Variants in SLC10A7 observed in about 807,000 individuals in gnomAD.
SLC10A7 encodes solute carrier family 10 member 7, also known as sodium/bile acid cotransporter 7.
In SLC10A7, 29 loss-of-function variants were observed where a neutral mutation model predicts 43.2. The ratio of observed to expected loss-of-function variants is 0.67; its 90% CI spans 0.50 to 0.92. SLC10A7 has a LOEUF of 0.92. Ranked by LOEUF, SLC10A7 falls within the 40% of genes least tolerant of loss-of-function variation. The probability of loss-of-function intolerance (pLI) is 0.00; values close to 1 mark genes in which losing one functional copy is unlikely to be tolerated. For missense variants in SLC10A7, 295 were observed against 403.2 expected (o/e 0.73, Z 2.30); for synonymous variants, 152 against 144.8 (o/e 1.05, Z -0.35).
At chr4:146,516,865 AAT>A (rs1366050151) in intron 2 of SLC10A7, among the ~76,000 whole-genome samples, 171 bp downstream of exon 2, 3 of 152,192 alleles carry the variant, frequency 2.0e-5, no homozygotes, top group Non-Finnish European at 4.4e-5. Context: ...CAGCTTTTAT[AAT>A]ACACATATGT....
chr4:146,386,990 T>C (rs983333500), intron 5 of SLC10A7, among the ~76,000 whole-genome samples: 2 of 152,226 alleles, frequency 1.3e-5, no homozygotes, highest in African/African-American at 4.8e-5. Context: ...AATAAATGTA[T>C]GTTTGTGAGA....
intron 3 of SLC10A7, among the ~76,000 whole-genome samples, chr4:146,506,007 G>C (rs1310605193): frequency 6.6e-6 from 1 of 152,050 alleles, no homozygotes; most frequent in Non-Finnish European, 1.5e-5. Context: ...ACTTATCTAG[G>C]CCTCCCACTT....
At chr4:146,289,247 C>T (rs1730240887) in intron 9 of SLC10A7, among the ~76,000 whole-genome samples, 2 of 152,306 alleles carry the variant, frequency 1.3e-5, no homozygotes, top group South Asian at 2.1e-4. Context: ...CGCCATCTTC[C>T]TTGCCTGCTT....
chr4:146,275,439 G>A (rs944959054), intron 10 of SLC10A7, among the ~76,000 whole-genome samples: 3 of 152,152 alleles, frequency 2.0e-5, no homozygotes, highest in African/African-American at 7.2e-5. Context: ...TCTCACTACA[G>A]CTTAGCATGG....
chr4:146,257,288 T>C (rs1727942545), intron 11 of SLC10A7, among the ~76,000 whole-genome samples: 1 of 152,232 alleles, frequency 6.6e-6, no homozygotes, highest in South Asian at 2.1e-4. Context: ...GCTCAGAGCC[T>C]GGAGTGGTAC....
chr4:146,393,985 A>G (rs1429847312), intron 5 of SLC10A7, among the ~76,000 whole-genome samples: 2 of 152,246 alleles, frequency 1.3e-5, no homozygotes, highest in Non-Finnish European at 2.9e-5. Context: ...ATTATGTATA[A>G]TTAAGGTAAA....
intron 4 of SLC10A7, among the ~76,000 whole-genome samples, chr4:146,494,912 C>G (rs1274192716): frequency 1.3e-5 from 2 of 152,150 alleles, no homozygotes; most frequent in African/African-American, 2.4e-5. Context: ...CTAGGGAAAT[C>G]TAGGTACGTT....
intron 5 of SLC10A7, among the ~76,000 whole-genome samples, chr4:146,434,583 AG>A (rs146612916): frequency 0.025 from 3,869 of 152,272 alleles, 75 homozygotes; most frequent in Non-Finnish European, 0.04. Context: ...TTTTGTTCTG[AG>A]ATGGAGTCTC....
At chr4:146,274,462 C>T (rs1020666434) in intron 10 of SLC10A7, among the ~76,000 whole-genome samples, 2 of 152,068 alleles carry the variant, frequency 1.3e-5, no homozygotes, top group Non-Finnish European at 2.9e-5. Flanking sequence ...CCTCCGCCCC[C>T]CAAAGTTCTG....
At chr4:146,399,718 A>C (rs1324573333) in intron 5 of SLC10A7, among the ~76,000 whole-genome samples, 1 of 152,168 alleles carries the variant, frequency 6.6e-6, no homozygotes, top group Non-Finnish European at 1.5e-5. Flanking sequence ...CATTTTTAAG[A>C]CCACGTAACG....
chr4:146,510,085 A>G lies in SLC10A7; in HGVS notation c.184-36T>C, dbSNP rs372195614. On this transcript the variant is annotated intron_variant, in intron 2 of 11. Coordinates refer to ENST00000335472, the MANE Select transcript of SLC10A7 (RefSeq NM_001029998.6). Reference sequence around the variant, plus strand: ...TAAGGAAACAAAATAAACAAAGGTAAGAAAACTATTCCTGAAAGGAGATCC... The same window carrying G: ...TAAGGAAACAAAATAAACAAAGGTAGGAAAACTATTCCTGAAAGGAGATCC... 12 of 1,573,744 alleles carry G rather than the reference A, an allele frequency of 7.6e-6. No homozygotes were observed. In the African/African-American group the frequency reaches 1.5e-4, roughly 20 times the overall value.
intron 5 of SLC10A7, among the ~76,000 whole-genome samples, chr4:146,357,414 C>CA (rs1258116640): frequency 6.6e-6 from 1 of 152,122 alleles, no homozygotes; most frequent in African/African-American, 2.4e-5. Context: ...ACTTAAGGAA[C>CA]AAAAAAACCC....
At chr4:146,435,701 T>G (rs1183671795) in intron 5 of SLC10A7, among the ~76,000 whole-genome samples, 1 of 152,158 alleles carries the variant, frequency 6.6e-6, no homozygotes, top group African/African-American at 2.4e-5. Context: ...CATCAATTAG[T>G]AGTTAATAAG....
At chr4:146,319,789 A>T (rs1732573810) in intron 6 of SLC10A7, among the ~76,000 whole-genome samples, 1 of 152,106 alleles carries the variant, frequency 6.6e-6, no homozygotes. Context: ...ATGCTAATAG[A>T]AATAATCCAG....
chr4:146,447,466 A>G (rs777601425), intron 4 of SLC10A7, among the ~76,000 whole-genome samples: 19 of 152,142 alleles, frequency 1.2e-4, no homozygotes, highest in Non-Finnish European at 2.1e-4. Context: ...AAATATTTCA[A>G]AACCCATTCC....
At chr4:146,330,780 T>C (rs1277802547) in intron 5 of SLC10A7, among the ~76,000 whole-genome samples, 3 of 152,200 alleles carry the variant, frequency 2.0e-5, no homozygotes, top group Admixed American at 6.5e-5. Context: ...GGAACTGTGA[T>C]GGCTGTGCCT....
intron 9 of SLC10A7, among the ~76,000 whole-genome samples, chr4:146,291,948 T>C (rs1471357320): frequency 6.6e-6 from 1 of 152,154 alleles, no homozygotes; most frequent in Non-Finnish European, 1.5e-5. Flanking sequence ...TTGTAACGTA[T>C]AATAAAGGTG....
At position 146,304,402 on chromosome 4, in the gene SLC10A7, C is replaced by T. The variant is rs570404186; in HGVS notation, c.555+1524G>A. 7.9e-5 allele frequency among the ~76,000 whole-genome samples: 12 copies of T among 151,870 alleles called. No homozygotes were observed. In the South Asian group the frequency reaches 2.5e-3, roughly 32 times the overall value. On this transcript the variant is annotated intron_variant, in intron 7 of 11. Coordinates refer to ENST00000335472, the MANE Select transcript of SLC10A7 (RefSeq NM_001029998.6). Reference sequence around the variant, plus strand: ...GTCTGTTGTTGGTGCTATAAATTTCCCTCTACACACTGCTTTGAATGCATC... The same window carrying T: ...GTCTGTTGTTGGTGCTATAAATTTCTCTCTACACACTGCTTTGAATGCATC...
At chr4:146,392,135 C>T (rs1390288147) in intron 5 of SLC10A7, among the ~76,000 whole-genome samples, 1 of 152,152 alleles carries the variant, frequency 6.6e-6, no homozygotes, top group African/African-American at 2.4e-5. Context: ...ACAACTGCTG[C>T]ATTCATCATG....
Sources: allele counts gnomAD v4.1 joint callset (sites outside exome capture counted in the v4.1 genomes callset), GRCh38; gene constraint gnomAD v4.1.1; transcripts MANE v1.5; gene names NCBI Gene and HGNC (gene_info 2026-07-23, HGNC 2026-07-21).